FSCN2: variants seen among roughly 807,000 people sequenced by gnomAD.
The protein encoded by FSCN2 is fascin-2.
A neutral mutation model predicts 37.8 loss-of-function variants in FSCN2; 46 were observed. The ratio of observed to expected loss-of-function variants is 1.22; its 90% CI spans 0.96 to 1.56. The LOEUF (loss-of-function observed/expected upper bound fraction) is 1.56, where lower values mean the gene tolerates loss of function less well. FSCN2 is among the 40% of genes most tolerant of loss of function. FSCN2 has a pLI of 0.00. For synonymous variants in FSCN2, 351 were observed against 309.4 expected (o/e 1.13, Z -1.41); for missense variants, 844 against 730.4 (o/e 1.16, Z -1.79).
chr17:81,527,357 GCCCT>G (rs2032382003), upstream of FSCN2: 1 of 152,262 alleles, frequency 6.6e-6, no homozygotes, highest in Non-Finnish European at 1.5e-5. Flanking sequence ...CACCGGGCTG[GCCCT>G]GGCCCAGGGT....
chr17:81,536,480 C>A, intron 3 of FSCN2, 142 bp from the exon 4 acceptor site: 1 of 1,523,940 alleles, frequency 6.6e-7, no homozygotes, highest in Non-Finnish European at 8.8e-7. Flanking sequence ...ACCCCCTAGG[C>A]GCCTTGCCAA....
intron 1 of FSCN2, among the ~76,000 whole-genome samples, chr17:81,531,582 ATGG>A (rs2032608835): frequency 8.6e-6 from 1 of 116,540 alleles, no homozygotes; most frequent in African/African-American, 3.4e-5. Flanking sequence ...GATGGTGATG[ATGG>A]TGATGGTGAT....
At chr17:81,520,129 T>G in the FSCN2 span, among the ~76,000 whole-genome samples, 1 of 152,126 alleles carries the variant, frequency 6.6e-6, no homozygotes, top group African/African-American at 2.4e-5. Flanking sequence ...GGCCAGGTTG[T>G]TTGCGGCTGG....
In FSCN2 at chr17:81,530,516, G is replaced by A. The variant is rs551407006; in HGVS notation, c.826+1159G>A. The stretch of plus-strand genomic sequence containing the variant: ...GGCTCCATGCACCCCAGAGTGGCTC[G>A]GAGGTGGTCTGAAAAGGCGAGGTGG... On this transcript the variant is annotated intron_variant, in intron 1 of 4. Transcript: ENST00000417245. The A allele has an allele frequency of 3.4e-4, 150 of 441,614 alleles. 1 individual carries two copies. The highest frequency in any genetic ancestry group is 2.4e-3 in the African/African-American group (118 of 48,814). The allele number at this position is 441,614 out of a possible 1,614,324, so 27.4% of individuals were successfully genotyped here.
chr17:81,522,325 G>A, the FSCN2 span, among the ~76,000 whole-genome samples: 5 of 152,138 alleles, frequency 3.3e-5, no homozygotes, highest in African/African-American at 1.2e-4. Flanking sequence ...GGCCTCTCTT[G>A]TTCTCTGCAC....
intron 1 of FSCN2, among the ~76,000 whole-genome samples, chr17:81,533,176 G>A (rs937657362): frequency 6.6e-6 from 1 of 152,150 alleles, no homozygotes; most frequent in Admixed American, 6.5e-5. Flanking sequence ...TGGCTGGGCG[G>A]CCCCTAACCC....
In FSCN2 at chr17:81,536,587, G is replaced by A. The variant is rs191291916; in HGVS notation, c.1106-35G>A. On this transcript the variant is annotated intron_variant, in intron 3 of 4. Coordinates refer to ENST00000417245, the MANE Select transcript of FSCN2 (RefSeq NM_012418.4). ...GCCCGGCCTGGACAGGGAAGGTGGC[G>A]GGAGGGGCAGCGCAGCAGACGCTCT... The A allele has an allele frequency of 7.2e-5, 116 of 1,604,210 alleles. 1 individual carries two copies. Among genetic ancestry groups the A allele is most frequent in the Non-Finnish European group, 9.0e-5 (106 of 1,179,338 alleles).
the FSCN2 span, among the ~76,000 whole-genome samples, chr17:81,516,017 G>A: frequency 1.3e-5 from 2 of 152,232 alleles, no homozygotes; most frequent in Admixed American, 1.3e-4. Flanking sequence ...GCTAATTTTT[G>A]CATTTTTGGT....
the FSCN2 span, among the ~76,000 whole-genome samples, chr17:81,515,112 G>C: frequency 6.6e-6 from 1 of 151,774 alleles, no homozygotes; most frequent in Admixed American, 6.5e-5. Flanking sequence ...GGGTCTGCCT[G>C]TCCCTGGGAT....
intron 1 of FSCN2, among the ~76,000 whole-genome samples, chr17:81,531,801 ATGG>A (rs1436512217): frequency 1.5e-5 from 1 of 68,364 alleles, no homozygotes; most frequent in Non-Finnish European, 2.9e-5. Flanking sequence ...GATGATGATA[ATGG>A]TGATGATGGT....
chr17:81,528,946 C>T lies in FSCN2; in HGVS notation c.415C>T (p.Pro139Ser). ...GTGGACCGTGCACCTGGCCATCCACCCGCAGGCCCACCTGCTGAGCGTGAG... is the reference window on the plus strand; with the variant it reads ...GTGGACCGTGCACCTGGCCATCCACTCGCAGGCCCACCTGCTGAGCGTGAG... Reference protein sequence around the residue: ...ELWTVHLAIHPQAHLLSVSRR... With the variant: ...ELWTVHLAIHSQAHLLSVSRR... The change falls in exon 1 of 5, where the codon CCG becomes TCG. Residue 139 changes from proline to serine, a missense_variant. Coordinates refer to ENST00000417245, the MANE Select transcript of FSCN2 (RefSeq NM_012418.4). The T allele has an allele frequency of 6.3e-7, 1 of 1,590,598 alleles. No individual in the cohort carries two copies. The highest frequency in any genetic ancestry group is 8.5e-7 in the Non-Finnish European group (1 of 1,172,612).
chr17:81,516,997 A>T, the FSCN2 span, among the ~76,000 whole-genome samples: 2 of 152,158 alleles, frequency 1.3e-5, no homozygotes, highest in Non-Finnish European at 2.9e-5. Context: ...AGGGAGGGAA[A>T]CTGAGGCAGT....
Position 81,529,077 on chromosome 17 carries a change from A to T in FSCN2, c.546A>T (p.Arg182=), listed in dbSNP as rs1555670741. The T allele has an allele frequency of 6.3e-7, 1 of 1,590,754 alleles. No individual in the cohort carries two copies. The highest frequency in any genetic ancestry group is 1.7e-5 in the Admixed American group (1 of 57,152). ...TCCTCACCCTCATCTTCCGGAGCCG[A>T]CGGTACTGCCTCAAGTCCTGTGACA... ...DALLTLIFRS[R]RYCLKSCDSR... Residue 182 remains arginine, a synonymous_variant, in exon 1 of 5, where the codon CGA becomes CGT. Transcript: ENST00000417245.
intron 1 of FSCN2, among the ~76,000 whole-genome samples, chr17:81,531,965 AGTGATGATAATG>A (rs2032655978): frequency 2.3e-5 from 1 of 43,410 alleles, no homozygotes; most frequent in South Asian, 9.2e-4. Context: ...TGATGGTGAT[AGTGATGATAATG>A]GTGATGATGA....
chr17:81,519,391 C>T, the FSCN2 span, among the ~76,000 whole-genome samples: 15 of 152,328 alleles, frequency 9.8e-5, no homozygotes, highest in Admixed American at 5.9e-4. Context: ...CCGCCGAGCA[C>T]TGTCTGGCAG....
chr17:81,530,678 C>T (rs896472355), intron 1 of FSCN2: 2 of 489,502 alleles, frequency 4.1e-6, no homozygotes, highest in African/African-American at 2.0e-5. Flanking sequence ...ATGTCCAGGC[C>T]CCCTGGGTAC....
In FSCN2 at chr17:81,536,609, C is replaced by T; in HGVS notation, c.1106-13C>T. On this transcript the variant is annotated splice_polypyrimidine_tract_variant and intron_variant, in intron 3 of 4. Coordinates refer to ENST00000417245, the MANE Select transcript of FSCN2 (RefSeq NM_012418.4). ...GGCGGGAGGGGCAGCGCAGCAGACG[C>T]TCTCCCCGCCAGGCAAGGACGAAGA... 2 of 1,607,414 alleles carry T rather than the reference C, an allele frequency of 1.2e-6. No homozygotes were observed.
chr17:81,529,902 C>T (rs545628127), intron 1 of FSCN2, among the ~76,000 whole-genome samples: 7 of 152,370 alleles, frequency 4.6e-5, no homozygotes, highest in African/African-American at 1.2e-4. Flanking sequence ...CGCCGCCTCA[C>T]GGGTTCACGC....
the FSCN2 span, among the ~76,000 whole-genome samples, chr17:81,521,386 C>T: frequency 7.5e-6 from 1 of 132,674 alleles, no homozygotes; most frequent in Admixed American, 8.0e-5. Flanking sequence ...TTTTTTGAGA[C>T]AAGGTCTTAT....
Sources: allele counts gnomAD v4.1 joint callset (sites outside exome capture counted in the v4.1 genomes callset), GRCh38; gene constraint gnomAD v4.1.1; transcripts MANE v1.5; gene names NCBI Gene and HGNC (gene_info 2026-07-23, HGNC 2026-07-21).